Variants in BIN2 observed in about 807,000 individuals in gnomAD.
The protein encoded by BIN2 is bridging integrator 2.
BIN2 carries 43 observed loss-of-function variants against 67.9 expected under a neutral mutation model. The observed-to-expected ratio is 0.63, with a 90% CI of 0.50 to 0.82. BIN2 has a LOEUF of 0.82. Ranked by LOEUF, BIN2 falls within the 40% of genes least tolerant of loss-of-function variation. The pLI is 0.00. For synonymous variants in BIN2, 244 were observed against 246.8 expected (o/e 0.99, Z 0.11); for missense variants, 581 against 671.6 (o/e 0.87, Z 1.49).
intron 8 of BIN2, 116 bp from the exon 9 acceptor site, chr12:51,295,994 T>C: frequency 1.3e-6 from 1 of 760,104 alleles, no homozygotes; most frequent in Non-Finnish European, 2.3e-6. Context: ...CTTTCAATTC[T>C]GATGTGAATT....
intron 9 of BIN2, among the ~76,000 whole-genome samples, chr12:51,293,887 A>T (rs1018080466): frequency 1.3e-5 from 2 of 152,216 alleles, no homozygotes; most frequent in Non-Finnish European, 2.9e-5. Flanking sequence ...GATGGGTGGT[A>T]AACTGGAATT....
intron 2 of BIN2, among the ~76,000 whole-genome samples, chr12:51,305,572 C>T (rs369158929): frequency 1.5e-4 from 23 of 149,604 alleles, no homozygotes; most frequent in Middle Eastern, 3.5e-3. Context: ...TGCAGTGAGC[C>T]GAGATCGCAC....
At chr12:51,323,073 T>C (rs1041895462) in intron 1 of BIN2, 2 of 152,166 alleles carry the variant, frequency 1.3e-5, no homozygotes, top group Non-Finnish European at 2.9e-5. Flanking sequence ...TTCTCCGTTG[T>C]AGAAGGCAGG....
chr12:51,295,796 C>G lies in BIN2; in HGVS notation c.761G>C (p.Ser254Thr). ...CAAAAAAGTCTTGGATGCTGCTCAC[C>G]TTGACAGTCCCTTCACCACAAAGAC... is the stretch of plus-strand genomic sequence containing the variant. The part of the protein sequence containing the change: ...NKVFVVKGLS[S>T]SSRRSLVISP... Residue 254 changes from serine to threonine, a missense_variant and splice_region_variant, in exon 9 of 13, where the codon AGC (serine) becomes ACC (threonine). Coordinates refer to ENST00000615107, the MANE Select transcript of BIN2 (RefSeq NM_016293.4). 1 of 1,612,696 alleles carries G rather than the reference C, an allele frequency of 6.2e-7. No homozygotes were observed. The highest frequency in any genetic ancestry group is 8.5e-7 in the Non-Finnish European group (1 of 1,179,576).
At chr12:51,302,211 T>C (rs1459820948) in intron 4 of BIN2, 96 bp from the exon 5 acceptor site, 2 of 820,548 alleles carry the variant, frequency 2.4e-6, no homozygotes, top group Non-Finnish European at 4.0e-6. Flanking sequence ...AAACCTTTTT[T>C]GTAGCACCGT....
chr12:51,306,134 T>C (rs12814917), intron 2 of BIN2, among the ~76,000 whole-genome samples: 50,902 of 151,698 alleles, frequency 0.34, 8,945 homozygotes, highest in Middle Eastern at 0.43. Flanking sequence ...CTGTGCTGGG[T>C]CTCAGAGCTC....
At chr12:51,295,643 C>A (rs1351788362) in intron 9 of BIN2, among the ~76,000 whole-genome samples, 153 bp downstream of exon 9, 39 of 113,108 alleles carry the variant, frequency 3.4e-4, no homozygotes, top group African/African-American at 4.8e-4. Context: ...TAGTAAAAAG[C>A]AAAATAATTT....
intron 9 of BIN2, among the ~76,000 whole-genome samples, chr12:51,293,983 A>G (rs1230357514): frequency 6.6e-6 from 1 of 152,212 alleles, no homozygotes. Flanking sequence ...TCCTGCTCCA[A>G]GTATAGACCC....
At chr12:51,293,659 T>C (rs975931524) in intron 9 of BIN2, among the ~76,000 whole-genome samples, 5 of 151,972 alleles carry the variant, frequency 3.3e-5, no homozygotes, top group African/African-American at 1.2e-4. Flanking sequence ...AACAACCCAA[T>C]TGAAAAATGG....
At chr12:51,304,461 T>C (rs903962211) in intron 2 of BIN2, among the ~76,000 whole-genome samples, 4 of 151,990 alleles carry the variant, frequency 2.6e-5, no homozygotes, top group Admixed American at 2.6e-4. Context: ...TTTTGAAGAG[T>C]TGGTTGGGAA....
chr12:51,307,459 A>T (rs989678235), intron 2 of BIN2, among the ~76,000 whole-genome samples: 2 of 151,912 alleles, frequency 1.3e-5, no homozygotes, highest in East Asian at 3.9e-4. Context: ...CTATAATCCC[A>T]CCACTTTGGG....
intron 2 of BIN2, among the ~76,000 whole-genome samples, chr12:51,312,056 G>A (rs1422188575): frequency 6.6e-6 from 1 of 152,192 alleles, no homozygotes; most frequent in African/African-American, 2.4e-5. Context: ...ATAGGCGTGA[G>A]CCACTGCACC....
intron 4 of BIN2, 101 bp downstream of exon 4, chr12:51,302,585 C>T: frequency 1.0e-6 from 1 of 979,066 alleles, no homozygotes; most frequent in Non-Finnish European, 1.6e-6. Context: ...TGTGAACTGG[C>T]TCCTTTGTTT....
At chr12:51,290,349 G>A (rs1454633670) in intron 10 of BIN2, among the ~76,000 whole-genome samples, 2 of 151,406 alleles carry the variant, frequency 1.3e-5, no homozygotes, top group Non-Finnish European at 2.9e-5. Flanking sequence ...GGCTGGTCTC[G>A]AACTCCTGGC....
chr12:51,302,569 GCA>G, intron 4 of BIN2, 115 bp downstream of exon 4: 9 of 851,084 alleles, frequency 1.1e-5, no homozygotes, highest in Middle Eastern at 3.7e-4. Flanking sequence ...CTACACAAAT[GCA>G]CAGTGTGAAC....
chr12:51,323,233 C>G (rs1338225768), intron 1 of BIN2: 1 of 152,198 alleles, frequency 6.6e-6, no homozygotes, highest in Non-Finnish European at 1.5e-5. Flanking sequence ...AGAGCAGAGG[C>G]TCAGGTTAGA....
chr12:51,310,648 T>C (rs776643537), intron 2 of BIN2, among the ~76,000 whole-genome samples: 10 of 152,264 alleles, frequency 6.6e-5, no homozygotes, highest in Non-Finnish European at 1.2e-4. Context: ...ATTTATTTAT[T>C]GTGGATATAC....
intron 5 of BIN2, 60 bp from the exon 6 acceptor site, chr12:51,299,774 T>A: frequency 7.3e-7 from 1 of 1,361,358 alleles, no homozygotes; most frequent in Non-Finnish European, 1.1e-6. Flanking sequence ...AGGATGTAGG[T>A]AACAGAATAC....
intron 8 of BIN2, 126 bp downstream of exon 8, chr12:51,296,963 T>A (rs1945582201): frequency 1.3e-6 from 1 of 774,166 alleles, no homozygotes; most frequent in Non-Finnish European, 2.1e-6. Context: ...TCTTATTTCA[T>A]CATGAGAGAA....
Sources: allele counts gnomAD v4.1 joint callset (sites outside exome capture counted in the v4.1 genomes callset), GRCh38; gene constraint gnomAD v4.1.1; transcripts MANE v1.5; gene names NCBI Gene and HGNC (gene_info 2026-07-23, HGNC 2026-07-21).